Variants in CRACR2A observed in about 807,000 individuals in gnomAD.
CRACR2A encodes the protein calcium release activated channel regulator 2A, also known as EF-hand calcium-binding domain-containing protein 4B.
Under a neutral mutation model 90.5 loss-of-function variants are expected in CRACR2A, and 79 were observed. That is an observed-to-expected ratio of 0.87 (90% confidence interval 0.73 to 1.05). The LOEUF (loss-of-function observed/expected upper bound fraction) is 1.05, where lower values mean the gene tolerates loss of function less well. Ranked by LOEUF, CRACR2A falls within the 50% of genes least tolerant of loss-of-function variation. CRACR2A has a pLI of 0.00. For missense variants in CRACR2A, 823 were observed against 897.2 expected (o/e 0.92, Z 1.06); for synonymous variants, 338 against 356.7 (o/e 0.95, Z 0.59).
intron 8 of CRACR2A, among the ~76,000 whole-genome samples, chr12:3,657,217 G>A (rs960100290): frequency 6.6e-6 from 1 of 152,242 alleles, no homozygotes; most frequent in Non-Finnish European, 1.5e-5. Flanking sequence ...TTTGTTCACA[G>A]AATAGAAACA....
At chr12:3,615,595 C>A (rs565387924) in intron 19 of CRACR2A, among the ~76,000 whole-genome samples, 156 bp from the exon 20 acceptor site, 4 of 152,304 alleles carry the variant, frequency 2.6e-5, no homozygotes, top group East Asian at 1.9e-4. Context: ...AACATCCCCC[C>A]CTGGACAGTA....
At chr12:3,661,313 T>A (rs1345954885) in intron 7 of CRACR2A, among the ~76,000 whole-genome samples, 1 of 152,180 alleles carries the variant, frequency 6.6e-6, no homozygotes, top group Non-Finnish European at 1.5e-5. Flanking sequence ...GTCAGGGGCA[T>A]TGATCACAGA....
intron 10 of CRACR2A, among the ~76,000 whole-genome samples, chr12:3,653,051 T>C (rs1206763014): frequency 2.0e-5 from 3 of 151,746 alleles, no homozygotes; most frequent in Admixed American, 1.3e-4. Flanking sequence ...GGCACGATCT[T>C]GGCTCACTGT....
At chr12:3,641,893 C>T (rs1049865254) in intron 12 of CRACR2A, 55 bp from the exon 13 acceptor site, 16 of 1,465,836 alleles carry the variant, frequency 1.1e-5, no homozygotes, top group Non-Finnish European at 1.5e-5. Context: ...GATGTTTGAA[C>T]AGAAAAGGGC....
At chr12:3,715,223 T>C (rs1946066143) in intron 2 of CRACR2A, among the ~76,000 whole-genome samples, 1 of 152,206 alleles carries the variant, frequency 6.6e-6, no homozygotes, top group South Asian at 2.1e-4. Flanking sequence ...ATATATGATA[T>C]AAATCATGGT....
intron 1 of CRACR2A, among the ~76,000 whole-genome samples, chr12:3,743,241 A>G (rs1946556776): frequency 6.6e-6 from 1 of 152,116 alleles, no homozygotes; most frequent in Non-Finnish European, 1.5e-5. Context: ...TTTCATTGAC[A>G]CTCATTTTAC....
chr12:3,690,665 T>A (rs1029648286), intron 4 of CRACR2A, among the ~76,000 whole-genome samples: 2 of 152,226 alleles, frequency 1.3e-5, no homozygotes, highest in Non-Finnish European at 2.9e-5. Context: ...TCTGTAGATG[T>A]CTATCAGGTC....
intron 6 of CRACR2A, 88 bp downstream of exon 6, chr12:3,678,827 T>C: frequency 1.4e-6 from 2 of 1,406,814 alleles, no homozygotes; most frequent in Non-Finnish European, 1.9e-6. Flanking sequence ...CAGCACCACA[T>C]GGTTAACAAA....
At position 3,720,464 on chromosome 12, in the gene CRACR2A, A is replaced by AAAGC. The variant is rs1236159224; in HGVS notation, c.-117-7151_-117-7148dup. Among the ~76,000 whole-genome samples, 105 of 150,906 alleles carry AAAGC rather than the reference A, an allele frequency of 7.0e-4. 1 individual carries two copies. Among genetic ancestry groups the AAAGC allele is most frequent in the African/African-American group, 1.7e-3 (71 of 40,600 alleles). On this transcript the variant is annotated intron_variant, in intron 2 of 19. Coordinates refer to ENST00000440314, the MANE Select transcript of CRACR2A (RefSeq NM_001144958.2). ...GAAAGAAAGAAAGAAAGAAAGAAAG[A>AAAGC]AAGCAAAAGAAAAAAAGAAACAAAT...
intron 14 of CRACR2A, among the ~76,000 whole-genome samples, chr12:3,636,053 C>T (rs956596786): frequency 2.6e-5 from 4 of 152,048 alleles, no homozygotes; most frequent in Non-Finnish European, 5.9e-5. Context: ...TGCCTTATGT[C>T]CCTATTATTG....
At chr12:3,739,352 A>G (rs16930742) in intron 1 of CRACR2A, among the ~76,000 whole-genome samples, 13,965 of 138,074 alleles carry the variant, frequency 0.1, 770 homozygotes, top group African/African-American at 0.15. Context: ...TTATATGAGC[A>G]TTTTTTTGAG....
chr12:3,638,332 G>T lies in CRACR2A; in HGVS notation c.1394C>A (p.Pro465His), dbSNP rs1466944166. The T allele has an allele frequency of 6.4e-7, 1 of 1,551,212 alleles. No individual in the cohort carries two copies. Residue 465 changes from proline to histidine, a missense_variant, in exon 14 of 20, where the codon CCC becomes CAC. Pro to His is a moderately conservative substitution (Grantham distance 77). Transcript: ENST00000440314. The part of the protein sequence containing the change: ...TGEPGPGGPY[P>H]RPLRRIISVE... ...GGAGATGATTCTGCGGAGCGGCCGG[G>T]GGTACGGACCCCCAGGCCCTGGCTC...
At position 3,711,540 on chromosome 12, in the gene CRACR2A, A is replaced by C. The variant is rs191550630; in HGVS notation, c.-37+1697T>G. Among the ~76,000 whole-genome samples the C allele has an allele frequency of 6.6e-6, 1 of 152,178 alleles. No individual in the cohort carries two copies. Among genetic ancestry groups the C allele is most frequent in the South Asian group, 2.1e-4 (1 of 4,828 alleles). Reference sequence around the variant, plus strand: ...ATAACATGTTCTTCATTTTCATCCGAGACCTCATCAGAATGGCTTTTATCA... The same window carrying C: ...ATAACATGTTCTTCATTTTCATCCGCGACCTCATCAGAATGGCTTTTATCA... On this transcript the variant is annotated intron_variant, in intron 3 of 19. Transcript: ENST00000440314. This position sits in a 1 kb window ranked among gnomAD's most constrained non-coding sequence, Gnocchi z 4.3.
intron 11 of CRACR2A, chr12:3,648,202 G>A (rs2137424076): frequency 9.6e-6 from 11 of 1,148,200 alleles, no homozygotes; most frequent in African/African-American, 1.6e-5. Flanking sequence ...GACAATGAAC[G>A]AGATAATATT....
At chr12:3,628,700 C>G (rs1299006454) in intron 15 of CRACR2A, among the ~76,000 whole-genome samples, 1 of 152,198 alleles carries the variant, frequency 6.6e-6, no homozygotes, top group East Asian at 1.9e-4. Flanking sequence ...TACATCCCCC[C>G]ACCACCACCA....
intron 1 of CRACR2A, among the ~76,000 whole-genome samples, chr12:3,745,553 C>T (rs980920615): frequency 1.1e-4 from 16 of 151,962 alleles, no homozygotes; most frequent in Non-Finnish European, 7.4e-5. Context: ...GCAGGCAGAT[C>T]ATTTGAGGTC....
chr12:3,700,985 G>T (rs774041753), intron 3 of CRACR2A, among the ~76,000 whole-genome samples: 1 of 152,048 alleles, frequency 6.6e-6, no homozygotes, highest in South Asian at 2.1e-4. Flanking sequence ...AAATTTAAAA[G>T]AATTCAGTTT....
At chr12:3,718,666 A>G (rs1162208248) in intron 2 of CRACR2A, among the ~76,000 whole-genome samples, 1 of 152,270 alleles carries the variant, frequency 6.6e-6, no homozygotes, top group African/African-American at 2.4e-5. Context: ...GGTTAAACAA[A>G]ATGTTATTAC....
chr12:3,749,766 T>G (rs1472371131), intron 1 of CRACR2A, among the ~76,000 whole-genome samples: 1 of 151,466 alleles, frequency 6.6e-6, no homozygotes, highest in South Asian at 2.1e-4. Context: ...AATGTGCTGG[T>G]TTTTGTTGTT....
Sources: gnomAD v4.1 joint callset for allele counts (sites outside exome capture counted in the v4.1 genomes callset) on GRCh38, gnomAD v4.1.1 for gene constraint, Gnocchi (gnomAD v3.1) non-coding constraint, MANE v1.5 for transcripts, NCBI Gene and HGNC (gene_info 2026-07-23, HGNC 2026-07-21) for gene names.